ATP11C: variants seen among roughly 807,000 people sequenced by gnomAD.
The protein encoded by ATP11C is ATPase phospholipid transporting 11C (ATP11C blood group), also known as phospholipid-transporting ATPase IG.
ATP11C carries 36 observed loss-of-function variants against 97.4 expected under a neutral mutation model. The ratio of observed to expected loss-of-function variants is 0.37; its 90% CI spans 0.28 to 0.49. The LOEUF (loss-of-function observed/expected upper bound fraction) is 0.49, where lower values mean the gene tolerates loss of function less well. Among genes scored for constraint, ATP11C ranks in the 20% least tolerant of loss-of-function variants. The pLI is 0.98. For missense variants in ATP11C, 730 were observed against 824.6 expected (o/e 0.89, Z 1.40); for synonymous variants, 275 against 290.9 (o/e 0.95, Z 0.56).
intron 1 of ATP11C, among the ~76,000 whole-genome samples, chrX:139,894,662 T>C (rs202093685): frequency 8.9e-6 from 1 of 111,769 alleles, no homozygotes; most frequent in East Asian, 2.8e-4. Flanking sequence ...AAAAAAGAGA[T>C]AAATGTTTAA....
chrX:139,870,987 C>A (rs1234170510), intron 1 of ATP11C, among the ~76,000 whole-genome samples: 1 of 95,809 alleles, frequency 1.0e-5, no homozygotes, highest in Non-Finnish European at 2.0e-5. Flanking sequence ...ACCCGGGAAG[C>A]GGAGCTTGCA....
At position 139,865,722 on chromosome X, in the gene ATP11C, C is replaced by T. The variant is rs753852047; in HGVS notation, c.28-38899G>A. On this transcript the variant is annotated intron_variant, in intron 1 of 29. Coordinates refer to ENST00000682941, the MANE Select transcript of ATP11C (RefSeq NM_001353812.2). ...GTTGCAGTGAGCAAAGATCGTGCCA[C>T]TGCACTCCAGCCTGGGTGACAGAGC... Among the ~76,000 whole-genome samples, 5 of 111,422 alleles carry T rather than the reference C, an allele frequency of 4.5e-5. No individual in the cohort carries two copies. The East Asian group carries it at 1.1e-3, about 25-fold the overall frequency.
rs770282997 is a variant in ATP11C, at chrX:139,790,137, T to C, written c.1207-649A>G. Among the ~76,000 whole-genome samples the C allele has an allele frequency of 8.1e-5, 9 of 110,980 alleles. No homozygotes were observed. In the South Asian group the frequency reaches 3.1e-3, roughly 39 times the overall value. ...CTCTGTCACTCAGGCTGGAATGCAG[T>C]AGCCATTATAGCTCACTATAACCTC... On this transcript the variant is annotated intron_variant, in intron 12 of 29. Coordinates refer to ENST00000682941, the MANE Select transcript of ATP11C (RefSeq NM_001353812.2).
chrX:139,814,829 A>G, intron 5 of ATP11C, 49 bp downstream of exon 5: 1 of 728,226 alleles, frequency 1.4e-6, no homozygotes, highest in Non-Finnish European at 2.0e-6. Context: ...ATACACTTTA[A>G]AATGGTGTAT....
intron 1 of ATP11C, among the ~76,000 whole-genome samples, chrX:139,919,941 G>T (rs778635416): frequency 9.0e-6 from 1 of 111,421 alleles, no homozygotes; most frequent in African/African-American, 3.3e-5. Flanking sequence ...AAAAAGAAAG[G>T]ACAAAAATGT....
intron 12 of ATP11C, among the ~76,000 whole-genome samples, chrX:139,790,140 C>A (rs2082660291): frequency 9.0e-6 from 1 of 110,825 alleles, no homozygotes; most frequent in Admixed American, 9.6e-5. Flanking sequence ...AATGCAGTAG[C>A]CATTATAGCT....
At chrX:139,807,238 T>C (rs1275756767) in intron 5 of ATP11C, among the ~76,000 whole-genome samples, 5 of 110,662 alleles carry the variant, frequency 4.5e-5, no homozygotes, top group Non-Finnish European at 7.6e-5. Context: ...CTCGGGAATA[T>C]AGGATGTTGC....
intron 12 of ATP11C, among the ~76,000 whole-genome samples, chrX:139,790,774 C>T (rs1795201815): frequency 9.0e-6 from 1 of 111,351 alleles, no homozygotes; most frequent in Non-Finnish European, 1.9e-5. Flanking sequence ...TTTTACTATA[C>T]ATATTTTGAA....
chrX:139,780,509 A>AT (rs1274327577), intron 18 of ATP11C, among the ~76,000 whole-genome samples: 1 of 106,423 alleles, frequency 9.4e-6, no homozygotes, highest in Non-Finnish European at 1.9e-5. Context: ...TACCTTGATG[A>AT]TAAAAAAAAA....
chrX:139,753,227 A>G (rs2081860025), intron 23 of ATP11C, among the ~76,000 whole-genome samples: 1 of 111,462 alleles, frequency 9.0e-6, no homozygotes, highest in East Asian at 2.8e-4. Flanking sequence ...TGGACATAAC[A>G]ATCCACAGCA....
At chrX:139,853,006 G>C (rs769886717) in intron 1 of ATP11C, among the ~76,000 whole-genome samples, 1 of 111,197 alleles carries the variant, frequency 9.0e-6, no homozygotes, top group South Asian at 3.9e-4. Context: ...TCCCTGGTGT[G>C]AGGGGTTGAG....
intron 1 of ATP11C, among the ~76,000 whole-genome samples, chrX:139,879,347 C>CA (rs202008609): frequency 4.2e-4 from 44 of 103,648 alleles, no homozygotes; most frequent in African/African-American, 1.1e-3. Flanking sequence ...ATTAAAAAAA[C>CA]AAAAAAAAAA....
chrX:139,817,223 C>T (rs1031858273), intron 3 of ATP11C, among the ~76,000 whole-genome samples: 2 of 112,247 alleles, frequency 1.8e-5, no homozygotes, highest in East Asian at 5.6e-4. Flanking sequence ...ATTCTGTCAG[C>T]GCTTGTGCTA....
rs1392732207 is a variant in ATP11C at position 139,789,338 on chromosome X, T to G, written c.1357A>C (p.Lys453Gln). 8.3e-7 allele frequency: 1 copy of G among 1,201,909 alleles called. No individual in the cohort carries two copies. The stretch of plus-strand genomic sequence containing the variant: ...TAATGCAAATGCACCTTATCTACTT[T>G]GTCAAAATATGTTAAAGTTCCATCA... ...QTDGTLTYFD[K>Q]VDKNREELFL... Residue 453 changes from lysine to glutamine, a missense_variant, in exon 13 of 30, where the codon AAA becomes CAA. Physicochemically the swap from Lys to Gln is moderately conservative, Grantham distance 53 (BLOSUM62 1). Transcript: ENST00000682941.
intron 1 of ATP11C, among the ~76,000 whole-genome samples, chrX:139,882,861 G>A (rs767340882): frequency 1.8e-5 from 2 of 111,468 alleles, no homozygotes; most frequent in African/African-American, 3.3e-5. Flanking sequence ...AAATCATGAT[G>A]GGTTCTAAGC....
intron 1 of ATP11C, among the ~76,000 whole-genome samples, chrX:139,841,108 A>G (rs909512010): frequency 8.9e-6 from 1 of 112,840 alleles, no homozygotes; most frequent in African/African-American, 3.2e-5. Context: ...TGAAAATTAC[A>G]TTTTAAAGAA....
Position 139,727,798 on chromosome X carries a change from T to TAG in ATP11C, c.*1166_*1167dup, listed in dbSNP as rs900853056. ...TAATTAGAAGGCTAAACCTTCCTTC[T>TAG]AGTTCAGTTAGTCAAGGACTTTACT... On this transcript the variant is annotated 3_prime_UTR_variant, in exon 30 of 30. Coordinates refer to ENST00000682941, the MANE Select transcript of ATP11C (RefSeq NM_001353812.2). 8.9e-6 allele frequency: 1 copy of TAG among 112,232 alleles called. No homozygotes were observed. The highest frequency in any genetic ancestry group is 9.5e-5 in the Admixed American group (1 of 10,539). The allele number at this position is 112,232 out of a possible 1,213,427, so 9.2% of individuals were successfully genotyped here. A position where few individuals can be genotyped will look rare whatever the true frequency, so the allele number is the denominator to read the frequency against.
At chrX:139,762,181 C>G (rs2082050917) in intron 21 of ATP11C, 75 bp from the exon 22 acceptor site, 2 of 881,012 alleles carry the variant, frequency 2.3e-6, no homozygotes, top group Middle Eastern at 4.0e-4. Flanking sequence ...ACAGTTTCAA[C>G]TTGGTTTAAT....
intron 5 of ATP11C, among the ~76,000 whole-genome samples, chrX:139,805,821 A>G: frequency 1.8e-5 from 2 of 112,379 alleles, no homozygotes. Context: ...AGACCTATTC[A>G]GGAAGAATTT....
Sources: allele counts gnomAD v4.1 joint callset (sites outside exome capture counted in the v4.1 genomes callset), GRCh38; gene constraint gnomAD v4.1.1; transcripts MANE v1.5; gene names NCBI Gene and HGNC (gene_info 2026-07-23, HGNC 2026-07-21).